MAD1L1: variants seen among roughly 807,000 people sequenced by gnomAD.
MAD1L1 encodes the protein mitotic spindle assembly checkpoint protein MAD1.
MAD1L1 carries 95 observed loss-of-function variants against 96.9 expected under a neutral mutation model. The ratio of observed to expected loss-of-function variants is 0.98; its 90% CI spans 0.83 to 1.16. The LOEUF is 1.16. MAD1L1 is among the 50% of genes most tolerant of loss of function. The pLI is 0.00. For missense variants in MAD1L1, 1,007 were observed against 954.4 expected (o/e 1.06, Z -0.73); for synonymous variants, 473 against 396.6 (o/e 1.19, Z -2.29).
intron 11 of MAD1L1, among the ~76,000 whole-genome samples, chr7:2,111,306 A>G (rs1787368052): frequency 6.6e-6 from 1 of 152,158 alleles, no homozygotes; most frequent in Non-Finnish European, 1.5e-5. Flanking sequence ...CCACCTCTGC[A>G]CGCTGGCTGC....
intron 11 of MAD1L1, 121 bp from the exon 12 acceptor site, chr7:2,069,459 C>G: frequency 1.1e-6 from 1 of 932,040 alleles, no homozygotes; most frequent in Non-Finnish European, 1.5e-6. Flanking sequence ...ACGTGCAACC[C>G]CCTCACTGCC....
intron 12 of MAD1L1, among the ~76,000 whole-genome samples, chr7:2,056,787 C>T (rs1307433524): frequency 3.3e-5 from 5 of 152,190 alleles, no homozygotes; most frequent in Non-Finnish European, 4.4e-5. Context: ...CCTACACAAG[C>T]GGCCGATCGC....
At chr7:2,209,259 A>AAGAGGGTGACC (rs1241559826) in intron 10 of MAD1L1, among the ~76,000 whole-genome samples, 1 of 152,142 alleles carries the variant, frequency 6.6e-6, no homozygotes, top group Non-Finnish European at 1.5e-5. Context: ...CTACATGGGG[A>AAGAGGGTGACC]AGAGGGTGAC....
chr7:1,912,202 G>A (rs970813003), intron 17 of MAD1L1, among the ~76,000 whole-genome samples: 1 of 152,234 alleles, frequency 6.6e-6, no homozygotes, highest in Non-Finnish European at 1.5e-5. Context: ...AGCCAGCTCC[G>A]TGTGTGTCAG....
chr7:2,200,886 C>G (rs1420231813), intron 10 of MAD1L1, among the ~76,000 whole-genome samples: 1 of 152,024 alleles, frequency 6.6e-6, no homozygotes, highest in Non-Finnish European at 1.5e-5. Flanking sequence ...CGTGCAGGAG[C>G]TGGGAGGAGC....
chr7:1,949,778 G>A (rs1312532532), intron 16 of MAD1L1, among the ~76,000 whole-genome samples: 1 of 152,220 alleles, frequency 6.6e-6, no homozygotes, highest in South Asian at 2.1e-4. Flanking sequence ...GACCTCCATC[G>A]TGCCATGTCC....
chr7:2,217,703 G>A (rs373202050), intron 7 of MAD1L1, among the ~76,000 whole-genome samples: 1 of 152,200 alleles, frequency 6.6e-6, no homozygotes, highest in Non-Finnish European at 1.5e-5. Context: ...AGCACTTGAC[G>A]TCATCACACA....
chr7:1,916,869 G>A (rs183478305), intron 17 of MAD1L1, among the ~76,000 whole-genome samples: 2 of 151,658 alleles, frequency 1.3e-5, no homozygotes, highest in Admixed American at 6.6e-5. Flanking sequence ...CGCATCTCCC[G>A]AGCCAGCGAG....
In MAD1L1 at chr7:2,215,783, C is replaced by T. The variant is rs2114993702; in HGVS notation, c.924+102G>A. 3.8e-6 allele frequency: 4 copies of T among 1,057,226 alleles called. No individual in the cohort carries two copies. In the South Asian group the frequency reaches 5.4e-5, roughly 14 times the overall value. The allele number at this position is 1,057,226 out of a possible 1,614,324, so 65.5% of individuals were successfully genotyped here. ...CCTCCCACCCCATCACAGCAACCTC[C>T]ATGTTGTAGGTGAGCAGCTGGTGGG... On this transcript the variant is annotated intron_variant, in intron 9 of 18. Transcript: ENST00000265854.
At chr7:2,035,230 G>A (rs56074241) in intron 12 of MAD1L1, among the ~76,000 whole-genome samples, 3,497 of 146,230 alleles carry the variant, frequency 0.024, 191 homozygotes, top group African/African-American at 0.058. Flanking sequence ...AATGTAAACC[G>A]GAGTCCAGGC....
At chr7:1,946,548 C>T (rs965943534) in intron 16 of MAD1L1, among the ~76,000 whole-genome samples, 1 of 152,274 alleles carries the variant, frequency 6.6e-6, no homozygotes, top group African/African-American at 2.4e-5. Context: ...TTGGAGCCTT[C>T]CTTTGATGCG....
chr7:1,940,925 C>CCCTCCTCCCCCAGGCCTCACCCTCCTCTT (rs1778926337), intron 16 of MAD1L1, among the ~76,000 whole-genome samples: 3 of 28,720 alleles, frequency 1.0e-4, no homozygotes, highest in East Asian at 9.1e-4. Flanking sequence ...AGCAGTGAGA[C>CCCTCCTCCCCCAGGCCTCACCCTCCTCTT]CCTCCTCCCC....
At chr7:1,936,945 C>T (rs1391659514) in intron 16 of MAD1L1, 48 bp from the exon 17 acceptor site, 2 of 1,452,420 alleles carry the variant, frequency 1.4e-6, no homozygotes, top group East Asian at 2.5e-5. Context: ...GGCACACACG[C>T]AGCACGGGTC....
intron 16 of MAD1L1, among the ~76,000 whole-genome samples, chr7:1,944,213 C>A (rs1779125276): frequency 6.6e-6 from 1 of 152,136 alleles, no homozygotes; most frequent in South Asian, 2.1e-4. Flanking sequence ...GGTTTGAGGG[C>A]ACGGGAGACA....
At chr7:2,030,137 CAG>C (rs1236519559) in intron 12 of MAD1L1, among the ~76,000 whole-genome samples, 4 of 152,206 alleles carry the variant, frequency 2.6e-5, no homozygotes, top group Non-Finnish European at 4.4e-5. Context: ...CCCTGGCTGG[CAG>C]AGAGTGCCCC....
At position 1,816,140 on chromosome 7, in the gene MAD1L1, C is replaced by A. The variant is rs200917713; in HGVS notation, c.2087G>T (p.Arg696Leu). The change falls in exon 19 of 19, where the codon CGC (arginine) becomes CTC (leucine). Residue 696 changes from arginine (R) to leucine (L), a missense_variant. Arg to Leu is a moderately radical substitution (Grantham distance 102). Coordinates refer to ENST00000265854, the MANE Select transcript of MAD1L1 (RefSeq NM_001013836.2). ...VGELIEVHLR[R>L]QDSIPAFLSS... ...GAGGAAGGCAGGGATGCTGTCCTGGCGCCGCAGGTGCACCTCGATGAGCTC... is the reference window on the plus strand; with the variant it reads ...GAGGAAGGCAGGGATGCTGTCCTGGAGCCGCAGGTGCACCTCGATGAGCTC... 22 of 1,613,082 alleles carry A rather than the reference C, an allele frequency of 1.4e-5. No homozygotes were observed. The highest frequency in any genetic ancestry group is 1.9e-5 in the Non-Finnish European group (22 of 1,179,874).
At chr7:2,189,444 A>C (rs1428528349) in intron 10 of MAD1L1, among the ~76,000 whole-genome samples, 1 of 152,262 alleles carries the variant, frequency 6.6e-6, no homozygotes, top group Non-Finnish European at 1.5e-5. Context: ...TATCCATACA[A>C]CAGAATATTA....
At chr7:1,936,609 G>A in intron 17 of MAD1L1, 78 bp downstream of exon 17, 1 of 1,404,540 alleles carries the variant, frequency 7.1e-7, no homozygotes, top group South Asian at 1.3e-5. Flanking sequence ...GGGCGCCTGA[G>A]GCTGCCCCAA....
chr7:1,880,281 A>C (rs971041988), intron 18 of MAD1L1, among the ~76,000 whole-genome samples: 7 of 152,142 alleles, frequency 4.6e-5, no homozygotes, highest in Non-Finnish European at 5.9e-5. Flanking sequence ...GTGGTGACCC[A>C]GGCTGGGCAG....
Sources: gnomAD v4.1 joint callset for allele counts (sites outside exome capture counted in the v4.1 genomes callset) on GRCh38, gnomAD v4.1.1 for gene constraint, MANE v1.5 for transcripts, NCBI Gene and HGNC (gene_info 2026-07-23, HGNC 2026-07-21) for gene names.